The following KLHDC4 variants were observed in gnomAD, a reference collection of about 807,000 sequenced individuals.
KLHDC4 encodes kelch domain containing 4, also known as kelch domain-containing protein 4.
A neutral mutation model predicts 62.4 loss-of-function variants in KLHDC4; 90 were observed. That is an observed-to-expected ratio of 1.44 (90% CI 1.22 to 1.72). The LOEUF is 1.72. KLHDC4 is among the 40% of genes most tolerant of loss of function. The probability of loss-of-function intolerance (pLI) is 0.00; values close to 1 mark genes in which losing one functional copy is unlikely to be tolerated. For synonymous variants in KLHDC4, 386 were observed against 284.4 expected (o/e 1.36, Z -3.59); for missense variants, 1,025 against 699.7 (o/e 1.47, Z -5.25).
chr16:87,721,936 AC>A (rs1223145182), intron 7 of KLHDC4, among the ~76,000 whole-genome samples: 1 of 151,994 alleles, frequency 6.6e-6, no homozygotes, highest in African/African-American at 2.4e-5. Flanking sequence ...TAAACCTTCC[AC>A]CGTCGCGCCC....
At chr16:87,708,323 G>C in intron 11 of KLHDC4, 27 bp downstream of exon 11, 1 of 1,455,238 alleles carries the variant, frequency 6.9e-7, no homozygotes, top group East Asian at 2.3e-5. Flanking sequence ...CAGCAGCCGC[G>C]CCACCCGCCA....
At chr16:87,758,615 A>G (rs1247934540) in intron 2 of KLHDC4, among the ~76,000 whole-genome samples, 7 of 152,174 alleles carry the variant, frequency 4.6e-5, no homozygotes, top group Admixed American at 1.3e-4. Flanking sequence ...CTGGGCTACA[A>G]TGGAAGAAGA....
chr16:87,704,912 T>C (rs1371780441), downstream of KLHDC4, among the ~76,000 whole-genome samples: 11 of 152,118 alleles, frequency 7.2e-5, no homozygotes, highest in Admixed American at 7.2e-4. Context: ...ACACAGAGCA[T>C]GGCGCGCATG....
chr16:87,720,454 C>T (rs923166391), intron 7 of KLHDC4, among the ~76,000 whole-genome samples: 1 of 152,180 alleles, frequency 6.6e-6, no homozygotes, highest in African/African-American at 2.4e-5. Context: ...TCCAGCAACC[C>T]ATCAAGAGCA....
At chr16:87,746,393 G>C (rs1031137686) in intron 5 of KLHDC4, among the ~76,000 whole-genome samples, 1 of 151,990 alleles carries the variant, frequency 6.6e-6, no homozygotes, top group African/African-American at 2.4e-5. Flanking sequence ...GAAAGAGACA[G>C]AGAGAGAAAG....
At chr16:87,738,357 GCACA>G (rs112406800) in intron 5 of KLHDC4, among the ~76,000 whole-genome samples, 5,587 of 149,834 alleles carry the variant, frequency 0.037, 328 homozygotes, top group African/African-American at 0.13. Flanking sequence ...ACACGGACGT[GCACA>G]CACACACACA....
Position 87,730,591 on chromosome 16 carries a change from C to G in KLHDC4, c.560G>C (p.Arg187Thr). 1 of 1,613,084 alleles carries G rather than the reference C, an allele frequency of 6.2e-7. No homozygotes were observed. The highest frequency in any genetic ancestry group is 1.3e-5 in the African/African-American group (1 of 74,982). The part of the protein sequence containing the change: ...RSGHRMVAWK[R>T]QLILFGGFHE... Reference sequence around the variant, plus strand: ...GAAGCCACCAAACAGGATCAATTGTCTCTTCCAGGCCACCATCCGATGTCC... The same window carrying G: ...GAAGCCACCAAACAGGATCAATTGTGTCTTCCAGGCCACCATCCGATGTCC... The change falls in exon 6 of 12, where the codon AGA (arginine) becomes ACA (threonine). Residue 187 changes from arginine to threonine, a missense_variant. Physicochemically the swap from Arg to Thr is moderately conservative, Grantham distance 71. Coordinates refer to ENST00000270583, the MANE Select transcript of KLHDC4 (RefSeq NM_017566.4).
intron 8 of KLHDC4, among the ~76,000 whole-genome samples, chr16:87,713,530 A>C (rs2036302941): frequency 1.3e-5 from 2 of 152,160 alleles, no homozygotes; most frequent in South Asian, 4.1e-4. Flanking sequence ...AAAATCAAGA[A>C]ATTAATGATT....
downstream of KLHDC4, among the ~76,000 whole-genome samples, chr16:87,704,417 T>TGGGGAGGGGA (rs2034412814): frequency 1.2e-5 from 1 of 86,272 alleles, no homozygotes; most frequent in African/African-American, 5.9e-5. Context: ...CTGGGGAGGG[T>TGGGGAGGGGA]CCTGAACGTC....
At chr16:87,712,752 T>C (rs567326502) in intron 8 of KLHDC4, among the ~76,000 whole-genome samples, 2 of 152,242 alleles carry the variant, frequency 1.3e-5, no homozygotes, top group African/African-American at 4.8e-5. Context: ...TGAGGAATTT[T>C]AGTGCAAGAA....
At position 87,711,231 on chromosome 16, in the gene KLHDC4, C is replaced by G; in HGVS notation, c.1044+4G>C. On this transcript the variant is annotated splice_donor_region_variant and intron_variant, in intron 9 of 11. Transcript: ENST00000270583. The stretch of plus-strand genomic sequence containing the variant: ...CGGCGCATGCTACTCAGAGGTTGCA[C>G]TACCTTCAGCTGTCCCTCAAACCAA... 5 of 1,613,936 alleles carry G rather than the reference C, an allele frequency of 3.1e-6. No homozygotes were observed. Among genetic ancestry groups the G allele is most frequent in the Non-Finnish European group, 4.2e-6 (5 of 1,179,982 alleles).
At chr16:87,753,006 A>G (rs1402002501) in intron 4 of KLHDC4, among the ~76,000 whole-genome samples, 2 of 152,194 alleles carry the variant, frequency 1.3e-5, no homozygotes, top group African/African-American at 4.8e-5. Flanking sequence ...GCCCTGACCC[A>G]TGACTCCAGC....
At chr16:87,763,812 G>C (rs995685975) in intron 1 of KLHDC4, among the ~76,000 whole-genome samples, 3 of 152,130 alleles carry the variant, frequency 2.0e-5, no homozygotes, top group African/African-American at 7.2e-5. Context: ...AAGGTGGTAG[G>C]GTCTGGGTGA....
intron 4 of KLHDC4, among the ~76,000 whole-genome samples, chr16:87,752,392 G>C (rs1264860143): frequency 6.8e-6 from 1 of 147,762 alleles, no homozygotes; most frequent in Non-Finnish European, 1.5e-5. Flanking sequence ...CTGGAGTGCA[G>C]TGGCGTGATC....
At chr16:87,701,324 C>T (rs1223584053) in exon 1 of KLHDC4, 8 of 250,098 alleles carry the variant, frequency 3.2e-5, no homozygotes, top group East Asian at 9.5e-5. Context: ...GGTAGCAGGG[C>T]GCTCAGGAAC....
At chr16:87,735,311 A>AG (rs1189329598) in intron 5 of KLHDC4, among the ~76,000 whole-genome samples, 5 of 149,250 alleles carry the variant, frequency 3.4e-5, no homozygotes, top group Non-Finnish European at 7.4e-5. Context: ...AAAAAAAAAA[A>AG]AAGAAAAAAA....
At chr16:87,725,644 T>C (rs2039231255) in intron 7 of KLHDC4, among the ~76,000 whole-genome samples, 1 of 151,894 alleles carries the variant, frequency 6.6e-6, no homozygotes, top group Non-Finnish European at 1.5e-5. Flanking sequence ...GTTGGCAGAG[T>C]GTGAAATGGG....
chr16:87,715,620 T>C (rs577750183), intron 7 of KLHDC4, among the ~76,000 whole-genome samples: 1 of 152,270 alleles, frequency 6.6e-6, no homozygotes, highest in South Asian at 2.1e-4. Flanking sequence ...AGAGTGCCCC[T>C]CTACTGGGAC....
upstream of KLHDC4, chr16:87,702,677 G>A (rs1055718483): frequency 3.7e-5 from 8 of 215,722 alleles, no homozygotes; most frequent in East Asian, 7.5e-4. Flanking sequence ...GGGGAGCCAC[G>A]CGGAAGAGGC....
Sources: gnomAD v4.1 joint callset for allele counts (sites outside exome capture counted in the v4.1 genomes callset) on GRCh38, gnomAD v4.1.1 for gene constraint, MANE v1.5 for transcripts, NCBI Gene and HGNC (gene_info 2026-07-23, HGNC 2026-07-21) for gene names.